The following GRM1 variants were observed in gnomAD, a reference collection of about 807,000 sequenced individuals.
The protein encoded by GRM1 is glutamate metabotropic receptor 1, also known as metabotropic glutamate receptor 1.
A neutral mutation model predicts 90.9 loss-of-function variants in GRM1; 33 were observed. The ratio of observed to expected loss-of-function variants is 0.36; its 90% CI spans 0.28 to 0.49. The LOEUF (loss-of-function observed/expected upper bound fraction) is 0.49, where lower values mean the gene tolerates loss of function less well. Among genes scored for constraint, GRM1 ranks in the 20% least tolerant of loss-of-function variants. The pLI is 0.99. For missense variants in GRM1, 1,190 were observed against 1,534.3 expected, an observed-to-expected ratio of 0.78 and a Z score of 3.75; for synonymous variants, 700 against 613.2, an observed-to-expected ratio of 1.14 and a Z score of -2.09.
intron 2 of GRM1, among the ~76,000 whole-genome samples, chr6:146,238,736 T>C (rs770840412): frequency 2.0e-5 from 3 of 152,106 alleles, no homozygotes; most frequent in African/African-American, 7.2e-5. Context: ...TGGGAGATGC[T>C]CTGTTTGTTT....
chr6:146,337,460 A>G (rs1010361859), intron 3 of GRM1, among the ~76,000 whole-genome samples: 2 of 152,196 alleles, frequency 1.3e-5, no homozygotes, highest in African/African-American at 4.8e-5. Context: ...TATTCCTAAA[A>G]CGTTCTTTGG....
intron 2 of GRM1, among the ~76,000 whole-genome samples, chr6:146,228,673 A>T (rs1780337169): frequency 6.6e-6 from 1 of 152,298 alleles, no homozygotes; most frequent in Middle Eastern, 3.4e-3. Flanking sequence ...GCATTATAGT[A>T]ATAGTATATG....
chr6:146,389,393 T>C (rs576070558), intron 6 of GRM1, among the ~76,000 whole-genome samples: 2 of 147,566 alleles, frequency 1.4e-5, no homozygotes, highest in African/African-American at 5.1e-5. Flanking sequence ...ATTTCTATCC[T>C]ATTTTAAAAC....
At chr6:146,421,977 C>G (rs928838873) in intron 7 of GRM1, among the ~76,000 whole-genome samples, 5 of 152,086 alleles carry the variant, frequency 3.3e-5, no homozygotes, top group African/African-American at 9.7e-5. Context: ...ATGTATTTAT[C>G]TATAAAAACA....
At chr6:146,341,290 C>A (rs1176703165) in intron 3 of GRM1, among the ~76,000 whole-genome samples, 1 of 152,116 alleles carries the variant, frequency 6.6e-6, no homozygotes, top group Non-Finnish European at 1.5e-5. Flanking sequence ...TGTCTCCCTC[C>A]CTCTCTCTAG....
intron 3 of GRM1, among the ~76,000 whole-genome samples, chr6:146,346,156 T>C (rs1785183370): frequency 6.6e-6 from 1 of 152,244 alleles, no homozygotes; most frequent in Admixed American, 6.5e-5. Flanking sequence ...CTAAATGCAA[T>C]TGTATTTTCA....
chr6:146,196,032 G>A (rs761283214), intron 2 of GRM1, among the ~76,000 whole-genome samples: 3 of 152,292 alleles, frequency 2.0e-5, no homozygotes, highest in African/African-American at 7.2e-5. Context: ...CCTGAACAAA[G>A]GTATCCCAGT....
chr6:146,205,068 C>T (rs940817166), intron 2 of GRM1, among the ~76,000 whole-genome samples: 12 of 152,128 alleles, frequency 7.9e-5, no homozygotes, highest in Non-Finnish European at 1.5e-4. Context: ...CATTTATATT[C>T]TGCATTTAAT....
At position 146,413,106 on chromosome 6, in the gene GRM1, A is replaced by G. The variant is rs1048025723; in HGVS notation, c.2660+13407A>G. ...TAAAACTTAGATTTTGCTTATTGAA[A>G]ACATTTTGTCTACAATCTTTATCTC... On this transcript the variant is annotated intron_variant, in intron 7 of 7. Transcript: ENST00000282753. Among the ~76,000 whole-genome samples the G allele has an allele frequency of 2.0e-5, 3 of 152,156 alleles. 1 individual carries two copies. Among genetic ancestry groups the G allele is most frequent in the Admixed American group, 2.0e-4 (3 of 15,278 alleles).
At position 146,076,337 on chromosome 6, in the gene GRM1, C is replaced by T. The variant is rs144052524; in HGVS notation, c.700+46120C>T. ...TTATGTCTTAAATGCTTCACTCTGTCAGCCGTGTTGAGAATAAATTACAGA... is the reference window on the plus strand; with the variant it reads ...TTATGTCTTAAATGCTTCACTCTGTTAGCCGTGTTGAGAATAAATTACAGA... On this transcript the variant is annotated intron_variant, in intron 1 of 7. Transcript: ENST00000282753. Among the ~76,000 whole-genome samples the T allele has an allele frequency of 3.3e-3, 500 of 152,242 alleles. 8 individuals carry two copies. The highest frequency in any genetic ancestry group is 3.2e-3 in the Non-Finnish European group (215 of 68,022).
intron 1 of GRM1, among the ~76,000 whole-genome samples, chr6:146,064,938 G>A (rs956820270): frequency 2.0e-5 from 3 of 150,808 alleles, no homozygotes; most frequent in Admixed American, 6.6e-5. Context: ...ATACTAGATG[G>A]CAGTTTGCAC....
chr6:146,176,367 T>G (rs981466673), intron 2 of GRM1, among the ~76,000 whole-genome samples: 3 of 152,108 alleles, frequency 2.0e-5, no homozygotes, highest in African/African-American at 7.2e-5. Context: ...AATTGCTGTT[T>G]CAGAATTGTT....
intron 1 of GRM1, among the ~76,000 whole-genome samples, chr6:146,119,489 G>C (rs537445288): frequency 1.3e-5 from 2 of 152,156 alleles, no homozygotes; most frequent in Admixed American, 6.5e-5. Context: ...CATTGCTTTT[G>C]GTGTTTTAGA....
Position 146,277,881 on chromosome 6 carries a change from T to C in GRM1, c.951-26730T>C, listed in dbSNP as rs962615487. 2.6e-5 allele frequency among the ~76,000 whole-genome samples: 4 copies of C among 152,108 alleles called. No homozygotes were observed. In the South Asian group the frequency reaches 8.3e-4, roughly 32 times the overall value. On this transcript the variant is annotated intron_variant, in intron 2 of 7. Coordinates refer to ENST00000282753, the MANE Select transcript of GRM1 (RefSeq NM_001278064.2). ...TAAATAATTAAATTAATAATATCAC[T>C]TCAGAAAGCTTTCCTAAAATGCTTC...
At chr6:146,334,409 T>C (rs1784695408) in intron 3 of GRM1, among the ~76,000 whole-genome samples, 1 of 152,250 alleles carries the variant, frequency 6.6e-6, no homozygotes, top group Non-Finnish European at 1.5e-5. Context: ...TTTTCCTCTG[T>C]TAATTAAAAA....
chr6:146,079,080 G>A (rs145305474), intron 1 of GRM1, among the ~76,000 whole-genome samples: 2,384 of 152,276 alleles, frequency 0.016, 33 homozygotes, highest in Non-Finnish European at 0.023. Flanking sequence ...CCTGCTCCCT[G>A]CAAATCTCAT....
chr6:146,150,638 C>G (rs1157569925), intron 1 of GRM1, among the ~76,000 whole-genome samples: 1 of 152,080 alleles, frequency 6.6e-6, no homozygotes, highest in Non-Finnish European at 1.5e-5. Flanking sequence ...TGTGGTGCTA[C>G]TAAATAGTAG....
At chr6:146,129,300 G>T (rs75332785) in intron 1 of GRM1, among the ~76,000 whole-genome samples, 2,422 of 152,266 alleles carry the variant, frequency 0.016, 56 homozygotes, top group African/African-American at 0.054. Flanking sequence ...AGCAGTGACT[G>T]GTTTCAGAGT....
chr6:146,147,567 C>T (rs897298566), intron 1 of GRM1, among the ~76,000 whole-genome samples: 1 of 152,168 alleles, frequency 6.6e-6, no homozygotes, highest in Non-Finnish European at 1.5e-5. Flanking sequence ...ACAGAATGTT[C>T]AGAATACCAA....
Sources: allele counts gnomAD v4.1 joint callset (sites outside exome capture counted in the v4.1 genomes callset), GRCh38; gene constraint gnomAD v4.1.1; transcripts MANE v1.5; gene names NCBI Gene and HGNC (gene_info 2026-07-23, HGNC 2026-07-21).